The following LMNB1 variants were observed in gnomAD, a reference collection of about 807,000 sequenced individuals.
LMNB1 encodes the protein lamin B1.
Under a neutral mutation model 67.1 loss-of-function variants are expected in LMNB1, and 23 were observed. The ratio of observed to expected loss-of-function variants is 0.34; its 90% CI spans 0.25 to 0.49. LMNB1 has a LOEUF of 0.49. Ranked by LOEUF, LMNB1 falls within the 20% of genes least tolerant of loss-of-function variation. The probability of loss-of-function intolerance (pLI) is 0.99; values close to 1 mark genes in which losing one functional copy is unlikely to be tolerated. For missense variants in LMNB1, 634 were observed against 746.5 expected (o/e 0.85, Z 1.76); for synonymous variants, 281 against 282.9 (o/e 0.99, Z 0.07).
At chr5:126,813,394 T>C (rs1751626452) in intron 5 of LMNB1, among the ~76,000 whole-genome samples, 2 of 152,248 alleles carry the variant, frequency 1.3e-5, no homozygotes, top group South Asian at 2.1e-4. Context: ...TGCAGACTGA[T>C]AAATGGGTTT....
rs1235129596 is a variant in LMNB1 at position 126,819,161 on chromosome 5, A to C, written c.1160+19A>C. ...AAGAGAGGTAAGGAACTTAAGGGTC[A>C]CCCTACCTTATGGTCCACTTTTTGC... On this transcript the variant is annotated intron_variant, in intron 6 of 10. Transcript: ENST00000261366. 5 of 1,567,796 alleles carry C rather than the reference A, an allele frequency of 3.2e-6. No individual in the cohort carries two copies. In the African/African-American group the frequency reaches 6.8e-5, roughly 21 times the overall value.
intron 3 of LMNB1, among the ~76,000 whole-genome samples, chr5:126,808,473 G>A (rs1046796927): frequency 5.9e-5 from 9 of 151,752 alleles, no homozygotes; most frequent in African/African-American, 2.2e-4. Flanking sequence ...ACAGGTGTGA[G>A]CCACTACGCT....
intron 9 of LMNB1, among the ~76,000 whole-genome samples, chr5:126,831,612 T>C (rs574396211): frequency 9.2e-5 from 14 of 152,228 alleles, no homozygotes; most frequent in Non-Finnish European, 1.8e-4. Context: ...GCTTGTCCTT[T>C]CTTCTCACTT....
chr5:126,787,546 A>ATTTTTTTTTTTTTTTTTTTT (rs142332901), intron 1 of LMNB1, among the ~76,000 whole-genome samples: 10 of 65,582 alleles, frequency 1.5e-4, no homozygotes, highest in Non-Finnish European at 2.2e-4. Flanking sequence ...ATATATATAT[A>ATTTTTTTTTTTTTTTTTTTT]TTTTTTTTTT....
chr5:126,836,203 C>G lies in LMNB1; in HGVS notation c.1720-20C>G. On this transcript the variant is annotated intron_variant, in intron 10 of 10. Coordinates refer to ENST00000261366, the MANE Select transcript of LMNB1 (RefSeq NM_005573.4). ...ATCTATTTCTTTAGTATTAATTTTT[C>G]CTTCTGTTTTCCTCATCAGGGAACC... The G allele has an allele frequency of 1.3e-6, 2 of 1,589,744 alleles. No homozygotes were observed. The highest frequency in any genetic ancestry group is 1.7e-6 in the Non-Finnish European group (2 of 1,159,952).
intron 1 of LMNB1, among the ~76,000 whole-genome samples, chr5:126,781,894 G>A (rs544432587): frequency 6.6e-6 from 1 of 152,314 alleles, no homozygotes; most frequent in South Asian, 2.1e-4. Context: ...TAGAGGCAGA[G>A]CATGGAAATG....
intron 5 of LMNB1, among the ~76,000 whole-genome samples, chr5:126,814,182 A>C (rs1751648408): frequency 6.6e-6 from 1 of 152,206 alleles, no homozygotes; most frequent in Non-Finnish European, 1.5e-5. Context: ...GGCGTGAGCC[A>C]CTGCACCTGG....
intron 1 of LMNB1, among the ~76,000 whole-genome samples, chr5:126,781,061 G>T (rs1750622329): frequency 6.6e-6 from 1 of 152,142 alleles, no homozygotes; most frequent in African/African-American, 2.4e-5. Flanking sequence ...GGCCTAGGCA[G>T]GTGGATCACC....
At position 126,831,093 on chromosome 5, in the gene LMNB1, A is replaced by G. The variant is rs1288226364; in HGVS notation, c.1612-1601A>G. Among the ~76,000 whole-genome samples, 4 of 152,224 alleles carry G rather than the reference A, an allele frequency of 2.6e-5. 1 individual carries two copies. The South Asian group carries it at 8.3e-4, about 31-fold the overall frequency. On this transcript the variant is annotated intron_variant, in intron 9 of 10. Transcript: ENST00000261366. ...ACTGTTCTGCCACCTTACTTTATTTACAAAACACATTATTGGGCATATTTC... is the reference window on the plus strand; with the variant it reads ...ACTGTTCTGCCACCTTACTTTATTTGCAAAACACATTATTGGGCATATTTC...
Position 126,804,428 on chromosome 5 carries a change from T to C in LMNB1, c.360-348T>C, listed in dbSNP as rs75711223. Among the ~76,000 whole-genome samples, 17 of 152,268 alleles carry C rather than the reference T, an allele frequency of 1.1e-4. No individual in the cohort carries two copies. The East Asian group carries it at 3.3e-3, about 29-fold the overall frequency. ...ATGTTTTGGCTTATAATATGCATTA[T>C]ATTTAAAAAATGAATTTTCATTTCT... On this transcript the variant is annotated intron_variant, in intron 1 of 10. Coordinates refer to ENST00000261366, the MANE Select transcript of LMNB1 (RefSeq NM_005573.4).
intron 1 of LMNB1, among the ~76,000 whole-genome samples, chr5:126,800,958 T>C (rs1211230519): frequency 0.055 from 4,011 of 73,596 alleles, 281 homozygotes; most frequent in Middle Eastern, 0.11. Context: ...AGACTATATA[T>C]ATATATATAT....
Position 126,804,895 on chromosome 5 carries a change from A to G in LMNB1, c.479A>G (p.Glu160Gly), listed in dbSNP as rs779608269. The change falls in exon 2 of 11, where the codon GAG becomes GGG. Residue 160 changes from glutamate (E) to glycine (G), a missense_variant. Coordinates refer to ENST00000261366, the MANE Select transcript of LMNB1 (RefSeq NM_005573.4). ...ATALGDKKSL[E>G]GDLEDLKDQI... Reference sequence around the variant, plus strand: ...GCACTTGGTGACAAAAAAAGTTTAGAGGGAGATTTGGAGGATCTGAAGGAT... The same window carrying G: ...GCACTTGGTGACAAAAAAAGTTTAGGGGGAGATTTGGAGGATCTGAAGGAT... 6.2e-7 allele frequency: 1 copy of G among 1,614,158 alleles called. No individual in the cohort carries two copies. Among genetic ancestry groups the G allele is most frequent in the South Asian group, 1.1e-5 (1 of 91,084 alleles).
At chr5:126,834,384 G>T (rs1236223328) in intron 10 of LMNB1, among the ~76,000 whole-genome samples, 1 of 151,968 alleles carries the variant, frequency 6.6e-6, no homozygotes, top group African/African-American at 2.4e-5. Flanking sequence ...TTTTTATATT[G>T]TAGTAGAGAT....
intron 1 of LMNB1, among the ~76,000 whole-genome samples, chr5:126,783,197 C>T (rs1384396834): frequency 6.6e-6 from 1 of 151,868 alleles, no homozygotes; most frequent in African/African-American, 2.4e-5. Flanking sequence ...GAGACTCTGT[C>T]TCAAAAACAA....
chr5:126,778,142 G>T (rs1033970604), intron 1 of LMNB1, among the ~76,000 whole-genome samples: 37 of 152,138 alleles, frequency 2.4e-4, no homozygotes, highest in Non-Finnish European at 8.8e-5. Flanking sequence ...TGCGCGCCTG[G>T]GACTGCCGAG....
chr5:126,797,265 A>G (rs1751129251), intron 1 of LMNB1, among the ~76,000 whole-genome samples: 1 of 152,206 alleles, frequency 6.6e-6, no homozygotes. Context: ...GGTTGCAGTT[A>G]GAGTTTGGTT....
chr5:126,790,265 C>T (rs1430167427), intron 1 of LMNB1, among the ~76,000 whole-genome samples: 1 of 151,870 alleles, frequency 6.6e-6, no homozygotes, highest in African/African-American at 2.4e-5. Context: ...ACCACCAAGC[C>T]CTGTGAATTT....
At chr5:126,807,755 C>T (rs1045548282) in intron 3 of LMNB1, among the ~76,000 whole-genome samples, 2 of 152,130 alleles carry the variant, frequency 1.3e-5, no homozygotes, top group Non-Finnish European at 2.9e-5. Context: ...TAAAAAATAG[C>T]ATCAGTAAAA....
chr5:126,808,873 A>AATT (rs756496205), intron 3 of LMNB1, among the ~76,000 whole-genome samples: 1 of 151,314 alleles, frequency 6.6e-6, no homozygotes, highest in African/African-American at 2.4e-5. Context: ...TTACCATTCT[A>AATT]ATTATTATTT....
Sources: gnomAD v4.1 joint callset for allele counts (sites outside exome capture counted in the v4.1 genomes callset) on GRCh38, gnomAD v4.1.1 for gene constraint, MANE v1.5 for transcripts, NCBI Gene and HGNC (gene_info 2026-07-23, HGNC 2026-07-21) for gene names.